The following CFAP299 variants were observed in gnomAD, a reference collection of about 807,000 sequenced individuals.
CFAP299 encodes cilia and flagella associated protein 299.
A neutral mutation model predicts 27.0 loss-of-function variants in CFAP299; 21 were observed. The ratio of observed to expected loss-of-function variants is 0.78; its 90% CI spans 0.55 to 1.12. The LOEUF is 1.12. Among genes scored for constraint, CFAP299 ranks in the 50% most tolerant of loss-of-function variants. The pLI, the probability that CFAP299 is intolerant of heterozygous loss-of-function variation, is 0.00. For synonymous variants in CFAP299, 104 were observed against 98.1 expected, an observed-to-expected ratio of 1.06 and a Z score of -0.36; for missense variants, 310 against 276.6, an observed-to-expected ratio of 1.12 and a Z score of -0.86.
At chr4:80,745,234 C>G (rs1433264286) in intron 3 of CFAP299, among the ~76,000 whole-genome samples, 1 of 152,120 alleles carries the variant, frequency 6.6e-6, no homozygotes, top group Non-Finnish European at 1.5e-5. Flanking sequence ...CTCCACTTTA[C>G]ACATGAGGAA....
intron 3 of CFAP299, among the ~76,000 whole-genome samples, chr4:80,858,584 G>A (rs997769239): frequency 1.1e-4 from 16 of 152,034 alleles, no homozygotes; most frequent in South Asian, 2.1e-4. Context: ...CTTTGAATGC[G>A]TCCCAGGGAT....
intron 3 of CFAP299, among the ~76,000 whole-genome samples, chr4:80,863,631 T>C (rs2110161503): frequency 6.6e-6 from 1 of 152,276 alleles, no homozygotes; most frequent in African/African-American, 2.4e-5. Flanking sequence ...GGGGATTTTT[T>C]ACATGGTTAA....
At chr4:80,820,928 G>C (rs1379726291) in intron 3 of CFAP299, among the ~76,000 whole-genome samples, 1 of 152,168 alleles carries the variant, frequency 6.6e-6, no homozygotes, top group African/African-American at 2.4e-5. Context: ...GAGAAATTGT[G>C]TAAGTACTGA....
intron 3 of CFAP299, among the ~76,000 whole-genome samples, chr4:80,655,672 C>T (rs1183722294): frequency 6.6e-6 from 1 of 152,082 alleles, no homozygotes; most frequent in Non-Finnish European, 1.5e-5. Flanking sequence ...GTAGACACTT[C>T]AACTTGAAGA....
intron 2 of CFAP299, among the ~76,000 whole-genome samples, chr4:80,495,009 A>T (rs1214393573): frequency 2.0e-5 from 3 of 152,230 alleles, no homozygotes; most frequent in African/African-American, 7.2e-5. Context: ...ATTTAATTCC[A>T]GCACTTTTTC....
intron 3 of CFAP299, among the ~76,000 whole-genome samples, chr4:80,699,212 G>A (rs1376926749): frequency 6.6e-6 from 1 of 152,084 alleles, no homozygotes; most frequent in Non-Finnish European, 1.5e-5. Flanking sequence ...GATTAATCAA[G>A]TATTGTCTCA....
chr4:80,355,876 A>G (rs1723248678), intron 1 of CFAP299, among the ~76,000 whole-genome samples: 1 of 152,102 alleles, frequency 6.6e-6, no homozygotes, highest in African/African-American at 2.4e-5. Flanking sequence ...CTTTTGTTGC[A>G]GTTGCTTTTG....
At chr4:80,654,638 C>T (rs764037240) in intron 3 of CFAP299, among the ~76,000 whole-genome samples, 9 of 152,066 alleles carry the variant, frequency 5.9e-5, no homozygotes, top group Non-Finnish European at 1.0e-4. Context: ...ATGGGTCTGA[C>T]TCAGTTGCTT....
At chr4:80,422,658 A>G (rs1040682403) in intron 2 of CFAP299, among the ~76,000 whole-genome samples, 11 of 152,184 alleles carry the variant, frequency 7.2e-5, no homozygotes, top group African/African-American at 2.7e-4. Flanking sequence ...AAATGCTTAA[A>G]TTGAGTATAC....
At chr4:80,922,602 C>T (rs1736100535) in intron 4 of CFAP299, among the ~76,000 whole-genome samples, 1 of 151,806 alleles carries the variant, frequency 6.6e-6, no homozygotes, top group African/African-American at 2.4e-5. Flanking sequence ...CAAAATAAAA[C>T]TAGATATTTA....
chr4:80,673,842 CTTTT>C (rs201682901), intron 3 of CFAP299, among the ~76,000 whole-genome samples: 5 of 128,758 alleles, frequency 3.9e-5, no homozygotes, highest in Admixed American at 7.7e-5. Flanking sequence ...CAAACTCTGC[CTTTT>C]TTTTTTTTTT....
chr4:80,663,446 C>A (rs989775910), intron 3 of CFAP299, among the ~76,000 whole-genome samples: 6 of 152,192 alleles, frequency 3.9e-5, no homozygotes, highest in Non-Finnish European at 5.9e-5. Context: ...TCATCCATGT[C>A]CCTGCAAAGG....
At chr4:80,723,528 C>T (rs1220301262) in intron 3 of CFAP299, among the ~76,000 whole-genome samples, 1 of 151,948 alleles carries the variant, frequency 6.6e-6, no homozygotes, top group Non-Finnish European at 1.5e-5. Flanking sequence ...GCAAACTAAT[C>T]TATAGTTAAA....
chr4:80,612,078 A>G (rs1041812923), intron 3 of CFAP299, among the ~76,000 whole-genome samples: 7 of 149,084 alleles, frequency 4.7e-5, no homozygotes, highest in African/African-American at 1.7e-4. Flanking sequence ...AGTATGTGCC[A>G]TTTTTTTTTT....
intron 4 of CFAP299, among the ~76,000 whole-genome samples, chr4:80,900,439 T>C (rs1409433973): frequency 6.6e-6 from 1 of 152,148 alleles, no homozygotes; most frequent in Non-Finnish European, 1.5e-5. Flanking sequence ...ATATCAGACA[T>C]GCCAGCATGT....
chr4:80,777,055 C>A (rs911189835), intron 3 of CFAP299, among the ~76,000 whole-genome samples: 1 of 151,992 alleles, frequency 6.6e-6, no homozygotes, highest in Non-Finnish European at 1.5e-5. Context: ...TATACACACT[C>A]AAATTTGATT....
chr4:80,496,898 G>A (rs530036553), intron 2 of CFAP299, among the ~76,000 whole-genome samples: 91 of 152,230 alleles, frequency 6.0e-4, no homozygotes, highest in African/African-American at 1.9e-3. Context: ...GAATGTACGT[G>A]CAAGAGAGAT....
chr4:80,529,962 A>C (rs1411316446), intron 2 of CFAP299, among the ~76,000 whole-genome samples: 1 of 152,222 alleles, frequency 6.6e-6, no homozygotes, highest in Admixed American at 6.5e-5. Context: ...CTTGTTATAA[A>C]AACAGTATTT....
chr4:80,387,877 G>T, intron 2 of CFAP299: 1 of 1,143,434 alleles, frequency 8.7e-7, no homozygotes, highest in South Asian at 1.2e-5. Context: ...CATTGGTGGA[G>T]AGTCAAAGAT....
Sources: gnomAD v4.1 joint callset for allele counts (sites outside exome capture counted in the v4.1 genomes callset) on GRCh38, gnomAD v4.1.1 for gene constraint, MANE v1.5 for transcripts, NCBI Gene and HGNC (gene_info 2026-07-23, HGNC 2026-07-21) for gene names.